Variants in KIF20A observed in about 807,000 individuals in gnomAD.
The protein encoded by KIF20A is kinesin-like protein KIF20A.
A neutral mutation model predicts 113.0 loss-of-function variants in KIF20A; 66 were observed. The ratio of observed to expected loss-of-function variants is 0.58; its 90% CI spans 0.48 to 0.72. The LOEUF is 0.72. Ranked by LOEUF, KIF20A falls within the 30% of genes least tolerant of loss-of-function variation. The pLI, the probability that KIF20A is intolerant of heterozygous loss-of-function variation, is 0.00. For synonymous variants in KIF20A, 376 were observed against 402.3 expected, an observed-to-expected ratio of 0.93 and a Z score of 0.78; for missense variants, 927 against 1,077.6, an observed-to-expected ratio of 0.86 and a Z score of 1.96.
At position 138,184,605 on chromosome 5, in the gene KIF20A, G is replaced by T. The variant is rs1158714838; in HGVS notation, c.1612G>T (p.Gly538Trp). 2 of 1,614,192 alleles carry T rather than the reference G, an allele frequency of 1.2e-6. No homozygotes were observed. The highest frequency in any genetic ancestry group is 1.1e-5 in the South Asian group (1 of 91,088). ...TCAGGTATCCCCCAGCTTAGAGAAA[G>T]GGGCTAAGGCAGACACAGGCCTTGA... ...SLQVSPSLEK[G>W]AKADTGLDDD... is the part of the protein sequence containing the mutation. The change falls in exon 13 of 19, where the codon GGG becomes TGG. Residue 538 changes from glycine (G) to tryptophan (W), a missense_variant. Gly to Trp is a radical substitution (Grantham distance 184, BLOSUM62 -2). Coordinates refer to ENST00000394894, the MANE Select transcript of KIF20A (RefSeq NM_005733.3).
At chr5:138,184,200 G>A (rs1161207003) in intron 11 of KIF20A, 39 bp from the exon 12 acceptor site, 1 of 1,611,630 alleles carries the variant, frequency 6.2e-7, no homozygotes, top group East Asian at 2.2e-5. Context: ...AAGGGCTGGT[G>A]TTCTGCTCAC....
intron 11 of KIF20A, 61 bp from the exon 12 acceptor site, chr5:138,184,178 C>T (rs1674006976): frequency 6.2e-7 from 1 of 1,610,330 alleles, no homozygotes; most frequent in Non-Finnish European, 8.5e-7. Context: ...GGGGATGGTG[C>T]TAGGATACCC....
In KIF20A at chr5:138,183,915, C is replaced by T. The variant is rs1323749645; in HGVS notation, c.1209-47C>T. On this transcript the variant is annotated intron_variant, in intron 10 of 18. Coordinates refer to ENST00000394894, the MANE Select transcript of KIF20A (RefSeq NM_005733.3). This position sits in a 1 kb window ranked among gnomAD's most constrained non-coding sequence, Gnocchi z 5.2. ...CAGAATTATACAAAGGGCCAGAAGG[C>T]TCATAACATGTGAGGCCCTTATGTC... is the stretch of plus-strand genomic sequence containing the variant. The T allele has an allele frequency of 6.2e-7, 1 of 1,611,790 alleles. No individual in the cohort carries two copies. Among genetic ancestry groups the T allele is most frequent in the East Asian group, 2.2e-5 (1 of 44,854 alleles).
chr5:138,183,256 A>C lies in KIF20A; in HGVS notation c.920A>C (p.Glu307Ala). Residue 307 changes from glutamate (E) to alanine (A), a missense_variant, in exon 8 of 19, where the codon GAG becomes GCG. Coordinates refer to ENST00000394894, the MANE Select transcript of KIF20A (RefSeq NM_005733.3). The surrounding 1 kb of genome is among the most constrained non-coding windows in gnomAD (Gnocchi z 5.2). ...IRFSIWISFF[E>A]IYNELLYDLL... ...TTCTCCATCTGGATCTCATTCTTTG[A>C]GATCTACAACGAACTGCTTTATGAC... 6.2e-7 allele frequency: 1 copy of C among 1,614,218 alleles called. No individual in the cohort carries two copies. Among genetic ancestry groups the C allele is most frequent in the African/African-American group, 1.3e-5 (1 of 75,048 alleles).
At chr5:138,179,520 C>T (rs1053848644) in intron 1 of KIF20A, 140 bp from the exon 2 acceptor site, 4 of 644,720 alleles carry the variant, frequency 6.2e-6, no homozygotes, top group African/African-American at 3.6e-5. Flanking sequence ...CATTCCCTTC[C>T]CCTTTGCCGA....
In KIF20A at chr5:138,183,082, C is replaced by G; in HGVS notation, c.833-87C>G. On this transcript the variant is annotated intron_variant, in intron 7 of 18. Coordinates refer to ENST00000394894, the MANE Select transcript of KIF20A (RefSeq NM_005733.3). This position sits in a 1 kb window ranked among gnomAD's most constrained non-coding sequence, Gnocchi z 5.2. The stretch of plus-strand genomic sequence containing the variant: ...AGGAGTACAGACCAGAGGTTGCAAT[C>G]TAAGGTCTGCCTTCCAAGGCCCCTG... 1 of 1,601,514 alleles carries G rather than the reference C, an allele frequency of 6.2e-7. No homozygotes were observed. Among genetic ancestry groups the G allele is most frequent in the Non-Finnish European group, 8.5e-7 (1 of 1,171,972 alleles).
Position 138,182,880 on chromosome 5 carries a change from T to C in KIF20A, c.722T>C (p.Leu241Ser), listed in dbSNP as rs1299955085. 1 of 1,614,160 alleles carries C rather than the reference T, an allele frequency of 6.2e-7. No individual in the cohort carries two copies. The highest frequency in any genetic ancestry group is 8.5e-7 in the Non-Finnish European group (1 of 1,180,020). The change falls in exon 7 of 19, where the codon TTG becomes TCG. Residue 241 changes from leucine (L) to serine (S), a missense_variant. Leu to Ser is a moderately radical substitution (Grantham distance 145). Coordinates refer to ENST00000394894, the MANE Select transcript of KIF20A (RefSeq NM_005733.3). ...GLQEEELSTS[L>S]KRSVYIESRI... ...CTCCAGGAGGAGCTGTCCACTTCCT[T>C]GAAGAGGAGTGTCTACATCGAAAGT...
intron 2 of KIF20A, 147 bp downstream of exon 2, chr5:138,179,992 G>A: frequency 1.5e-5 from 12 of 789,310 alleles, no homozygotes; most frequent in South Asian, 1.0e-4. Context: ...AAATGGCTAT[G>A]AAAAGAAAAA....
In KIF20A at chr5:138,186,035, T is replaced by A. The variant is rs1448062397; in HGVS notation, c.2200T>A (p.Leu734Ile). 6.2e-7 allele frequency: 1 copy of A among 1,613,834 alleles called. No homozygotes were observed. Among genetic ancestry groups the A allele is most frequent in the Non-Finnish European group, 8.5e-7 (1 of 1,179,952 alleles). ...CTTCACCATTGATGTGGACAAGAAGTTAGAAGAGGGCCAGAAGGTAATTAC... is the reference window on the plus strand; with the variant it reads ...CTTCACCATTGATGTGGACAAGAAGATAGAAGAGGGCCAGAAGGTAATTAC... ...KPFTIDVDKK[L>I]EEGQKNIRLL... Residue 734 changes from leucine to isoleucine, a missense_variant, in exon 17 of 19, where the codon TTA becomes ATA. Leu to Ile is a conservative substitution (Grantham distance 5). Coordinates refer to ENST00000394894, the MANE Select transcript of KIF20A (RefSeq NM_005733.3).
Position 138,183,058 on chromosome 5 carries a change from G to T in KIF20A, c.832+68G>T. 1 of 1,609,634 alleles carries T rather than the reference G, an allele frequency of 6.2e-7. No homozygotes were observed. Among genetic ancestry groups the T allele is most frequent in the South Asian group, 1.1e-5 (1 of 90,608 alleles). On this transcript the variant is annotated intron_variant, in intron 7 of 18. Transcript: ENST00000394894. The surrounding 1 kb of genome is among the most constrained non-coding windows in gnomAD (Gnocchi z 5.2). ...CACTCCCTGTTCCTAATAGCTGCCA[G>T]GAGTACAGACCAGAGGTTGCAATCT...
rs375393428 is a variant in KIF20A at position 138,186,278 on chromosome 5, A to G, written c.2218-16A>G. Reference sequence around the variant, plus strand: ...TGCTCTTGGCCACAATATGATTCCTACTTCCCCTTTTTCAGAATATAAGGC... The same window carrying G: ...TGCTCTTGGCCACAATATGATTCCTGCTTCCCCTTTTTCAGAATATAAGGC... On this transcript the variant is annotated splice_polypyrimidine_tract_variant and intron_variant, in intron 17 of 18. Coordinates refer to ENST00000394894, the MANE Select transcript of KIF20A (RefSeq NM_005733.3). 1.4e-4 allele frequency: 220 copies of G among 1,584,488 alleles called. No individual in the cohort carries two copies. The highest frequency in any genetic ancestry group is 1.8e-4 in the Non-Finnish European group (210 of 1,171,002).
At chr5:138,185,889 C>A (rs913031248) in intron 16 of KIF20A, 72 bp from the exon 17 acceptor site, 4 of 1,401,996 alleles carry the variant, frequency 2.9e-6, no homozygotes, top group African/African-American at 2.9e-5. Context: ...GCTACTGTTA[C>A]CTCAGTTAAA....
chr5:138,183,885 C>G lies in KIF20A; in HGVS notation c.1209-77C>G. 1 of 1,600,088 alleles carries G rather than the reference C, an allele frequency of 6.2e-7. No homozygotes were observed. The highest frequency in any genetic ancestry group is 8.5e-7 in the Non-Finnish European group (1 of 1,169,906). Reference sequence around the variant, plus strand: ...ACAGAGATTCTTAGTGGGCCGTCCCCTCTCCAGAATTATACAAAGGGCCAG... The same window carrying G: ...ACAGAGATTCTTAGTGGGCCGTCCCGTCTCCAGAATTATACAAAGGGCCAG... On this transcript the variant is annotated intron_variant, in intron 10 of 18. Transcript: ENST00000394894. This position sits in a 1 kb window ranked among gnomAD's most constrained non-coding sequence, Gnocchi z 5.2.
chr5:138,185,550 GC>G lies in KIF20A; in HGVS notation c.1966del (p.Gln656ArgfsTer48). ...EKIEELEALL[Q>X]EARQQSVAHQ... ...AGATTGAAGAGCTAGAAGCTCTCTTGCAGGAAGCCAGACAACAGTCAGTGGC... is the reference window on the plus strand; with the variant it reads ...AGATTGAAGAGCTAGAAGCTCTCTTGAGGAAGCCAGACAACAGTCAGTGGC... On this transcript the variant is annotated frameshift_variant, in exon 16 of 19. Transcript: ENST00000394894. LOFTEE classifies it high-confidence loss of function. 6.2e-7 allele frequency: 1 copy of G among 1,613,936 alleles called. No individual in the cohort carries two copies. Among genetic ancestry groups the G allele is most frequent in the Non-Finnish European group, 8.5e-7 (1 of 1,180,028 alleles).
rs1161211916 is a variant in KIF20A at position 138,186,388 on chromosome 5, T to C, written c.2312T>C (p.Leu771Pro). Residue 771 changes from leucine (L) to proline (P), a missense_variant, in exon 18 of 19, where the codon CTT becomes CCT. Leu to Pro is a moderately conservative substitution (Grantham distance 98). Coordinates refer to ENST00000394894, the MANE Select transcript of KIF20A (RefSeq NM_005733.3). ...ACCHSTGAGK[L>P]RQALTTCDDI... ...TGCCACAGCACTGGGGCAGGAAAAC[T>C]TCGTCAAGCCTTGACCACTTGTGAT... 4 of 1,610,926 alleles carry C rather than the reference T, an allele frequency of 2.5e-6. No homozygotes were observed. In the Admixed American group the frequency reaches 6.8e-5, roughly 28 times the overall value.
rs150704301 is a variant in KIF20A, at chr5:138,179,811, C to G, written c.131C>G (p.Ser44Cys). ...VVRKNLLSDC[S>C]VVSTSLEDKQ... ...CGCAAGAACCTGCTATCAGACTGCT[C>G]TGTCGTCTCTACCTCCCTAGAGGAC... Residue 44 changes from serine to cysteine, a missense_variant, in exon 2 of 19, where the codon TCT becomes TGT. Transcript: ENST00000394894. 6.2e-7 allele frequency: 1 copy of G among 1,614,064 alleles called. No individual in the cohort carries two copies. The highest frequency in any genetic ancestry group is 1.7e-5 in the Admixed American group (1 of 60,004).
chr5:138,180,688 G>C (rs1254836786), intron 2 of KIF20A, among the ~76,000 whole-genome samples: 1 of 151,684 alleles, frequency 6.6e-6, no homozygotes, highest in Non-Finnish European at 1.5e-5. Context: ...GGGTTTTTTT[G>C]TTTTCGAGAT....
At chr5:138,185,249 C>A in intron 15 of KIF20A, 52 bp downstream of exon 15, 3 of 1,250,328 alleles carry the variant, frequency 2.4e-6, no homozygotes, top group Non-Finnish European at 3.5e-6. Context: ...CCATCACTAG[C>A]TTGCCTGAAG....
chr5:138,180,891 G>C (rs746349581), intron 2 of KIF20A, among the ~76,000 whole-genome samples: 1 of 152,140 alleles, frequency 6.6e-6, no homozygotes, highest in Non-Finnish European at 1.5e-5. Context: ...TGGCCAGACT[G>C]GTCTGGAACT....
Sources: gnomAD v4.1 joint callset for allele counts (sites outside exome capture counted in the v4.1 genomes callset) on GRCh38, gnomAD v4.1.1 for gene constraint, Gnocchi (gnomAD v3.1) non-coding constraint, MANE v1.5 for transcripts, NCBI Gene and HGNC (gene_info 2026-07-23, HGNC 2026-07-21) for gene names.